Variants in FBRS observed in about 807,000 individuals in gnomAD.
FBRS encodes fibrosin, also known as probable fibrosin-1.
FBRS carries 15 observed loss-of-function variants against 86.1 expected under a neutral mutation model. The ratio of observed to expected loss-of-function variants is 0.17; its 90% CI spans 0.12 to 0.27. The LOEUF (loss-of-function observed/expected upper bound fraction) is 0.27, where lower values mean the gene tolerates loss of function less well. Among genes scored for constraint, FBRS ranks in the 10% least tolerant of loss-of-function variants. The pLI is 1.00. For missense variants in FBRS, 1,367 were observed against 1,301.6 expected (o/e 1.05, Z -0.77); for synonymous variants, 666 against 575.8 (o/e 1.16, Z -2.24).
chr16:30,667,192 G>A (rs2052533397), intron 13 of FBRS, 128 bp from the exon 14 acceptor site: 2 of 930,828 alleles, frequency 2.1e-6, no homozygotes, highest in South Asian at 1.6e-5. Context: ...TCCGAGAGAG[G>A]CAGAAGATAG....
chr16:30,665,169 TCAG>T lies in FBRS; in HGVS notation c.1608+93_1608+95del. 1 of 1,550,150 alleles carries T rather than the reference TCAG, an allele frequency of 6.5e-7. No homozygotes were observed. The highest frequency in any genetic ancestry group is 1.4e-5 in the African/African-American group (1 of 73,636). On this transcript the variant is annotated intron_variant, in intron 9 of 17. Transcript: ENST00000356166. This position sits in a 1 kb window ranked among gnomAD's most constrained non-coding sequence, Gnocchi z 4.1. The stretch of plus-strand genomic sequence containing the variant: ...GACCCTGACTGCTGGGGTCCAGTCT[TCAG>T]CACAAAAGCAAGAGCCTTGAGCCTG...
intron 1 of FBRS, 84 bp from the exon 2 acceptor site, chr16:30,660,179 G>T: frequency 7.1e-7 from 1 of 1,411,966 alleles, no homozygotes; most frequent in South Asian, 1.6e-5. Flanking sequence ...CGGCCCGAGG[G>T]GTACTTCGGC....
chr16:30,667,011 G>A (rs747622652), intron 13 of FBRS, 21 bp downstream of exon 13: 1 of 1,594,454 alleles, frequency 6.3e-7, no homozygotes, highest in South Asian at 1.1e-5. Flanking sequence ...CGGAGGGCTG[G>A]GGAGAGTGGG....
chr16:30,667,495 C>G (rs900314629), intron 14 of FBRS, 47 bp from the exon 15 acceptor site: 1 of 1,511,818 alleles, frequency 6.6e-7, no homozygotes, highest in East Asian at 2.5e-5. Flanking sequence ...TGAGGCCCAG[C>G]TTGTGCCCAC....
rs542890584 is a variant in FBRS at position 30,664,546 on chromosome 16, G to A, written c.1357+30G>A. ...GTTTGGGGTCCTGGCCGGGGGGTGG[G>A]GGGCCATCACCCCGGGCTCGGGCCC... is the stretch of plus-strand genomic sequence containing the variant. On this transcript the variant is annotated intron_variant, in intron 7 of 17. Transcript: ENST00000356166. The A allele has an allele frequency of 9.5e-5, 135 of 1,424,480 alleles. 1 individual carries two copies. Among genetic ancestry groups the A allele is most frequent in the African/African-American group, 2.2e-4 (15 of 69,370 alleles). The allele number at this position is 1,424,480 out of a possible 1,614,324, so 88.2% of individuals were successfully genotyped here.
Position 30,662,577 on chromosome 16 carries a change from C to T in FBRS, c.773C>T (p.Ala258Val). 1.3e-6 allele frequency: 2 copies of T among 1,542,226 alleles called. No individual in the cohort carries two copies. The highest frequency in any genetic ancestry group is 1.8e-6 in the Non-Finnish European group (2 of 1,141,122). The change falls in exon 6 of 18, where the codon GCC becomes GTC. Residue 258 changes from alanine (A) to valine (V), a missense_variant. Coordinates refer to ENST00000356166, the MANE Select transcript of FBRS (RefSeq NM_001105079.3). ...CCCACAGCCTCGGGCCCCCACGGCG[C>T]CTTCAATGGGAACTGTGAAGCAAAA... ...STSKASGPHGAFNGNCEAKLS... is the reference protein window; with the variant it reads ...STSKASGPHGVFNGNCEAKLS...
chr16:30,666,427 G>C, intron 11 of FBRS, 85 bp from the exon 12 acceptor site: 1 of 1,549,842 alleles, frequency 6.5e-7, no homozygotes. Flanking sequence ...GCATGTTGGG[G>C]GTGAGTGGAT....
At position 30,663,251 on chromosome 16, in the gene FBRS, C is replaced by T. The variant is rs144319982; in HGVS notation, c.1055+392C>T. The T allele has an allele frequency of 8.6e-3, 1,558 of 182,212 alleles. 16 individuals are homozygous for T. Among genetic ancestry groups the T allele is most frequent in the Non-Finnish European group, 0.011 (955 of 88,586 alleles). The allele number at this position is 182,212 out of a possible 1,614,324, so 11.3% of individuals were successfully genotyped here. On this transcript the variant is annotated intron_variant, in intron 6 of 17. Transcript: ENST00000356166. ...GTGATTTTTGACAAGTCACTTAACC[C>T]CTCTGAGCCTCGATTTCCTCTTTCT...
chr16:30,662,140 C>G, intron 4 of FBRS: 1 of 443,364 alleles, frequency 2.3e-6, no homozygotes. Flanking sequence ...AGCTAGTGAC[C>G]TCTGACGTTT....
intron 1 of FBRS, 33 bp from the exon 2 acceptor site, chr16:30,660,230 C>T (rs961984867): frequency 3.0e-6 from 4 of 1,338,866 alleles, no homozygotes; most frequent in Non-Finnish European, 3.9e-6. Context: ...TTGCCCTTTT[C>T]CATCTATCTC....
intron 15 of FBRS, 123 bp from the exon 16 acceptor site, chr16:30,668,437 C>T: frequency 1.2e-6 from 1 of 814,054 alleles, no homozygotes; most frequent in East Asian, 2.5e-5. Context: ...GTGCTCAGCA[C>T]ATGGCTGCTG....
chr16:30,661,384 C>T (rs910407301), intron 4 of FBRS, 51 bp downstream of exon 4: 2 of 1,550,614 alleles, frequency 1.3e-6, no homozygotes, highest in Non-Finnish European at 1.7e-6. Flanking sequence ...GTAAAAGGGA[C>T]TGCAGCATAA....
At chr16:30,666,563 G>A (rs2052524417) in intron 12 of FBRS, 22 bp downstream of exon 12, 1 of 1,614,004 alleles carries the variant, frequency 6.2e-7, no homozygotes. Flanking sequence ...GAGGACCTCA[G>A]GCTGCATGAG....
chr16:30,667,421 C>T lies in FBRS; in HGVS notation c.1977C>T (p.Ser659=). The stretch of plus-strand genomic sequence containing the variant: ...GGCAGGAGCTCTCCCACCCGGCCTC[C>T]CTCTTCACTGCGACTGGTGAGTCTG... ...PPGQELSHPA[S]LFTATGAVHA... The change falls in exon 14 of 18, where the codon TCC becomes TCT. Residue 659 remains serine, a synonymous_variant. Transcript: ENST00000356166. 3 of 1,546,640 alleles carry T rather than the reference C, an allele frequency of 1.9e-6. No individual in the cohort carries two copies. Among genetic ancestry groups the T allele is most frequent in the Non-Finnish European group, 2.6e-6 (3 of 1,143,722 alleles).
In FBRS at chr16:30,661,309, C is replaced by T. The variant is rs1242444893; in HGVS notation, c.681C>T (p.Asp227=). Residue 227 remains aspartate, a synonymous_variant, in exon 4 of 18, where the codon GAC becomes GAT. Coordinates refer to ENST00000356166, the MANE Select transcript of FBRS (RefSeq NM_001105079.3). The stretch of plus-strand genomic sequence containing the variant: ...CTGTCTTTCCTTCTCCCCAGTGTGA[C>T]GCGGAAAGTGATCTGGACGAGAGGG... ...RHSLEAGYIC[D]AESDLDERVS... is the part of the protein sequence containing the mutation. The T allele has an allele frequency of 6.4e-6, 10 of 1,550,612 alleles. No individual in the cohort carries two copies. The highest frequency in any genetic ancestry group is 1.7e-4 in the Middle Eastern group (1 of 5,994).
At chr16:30,667,199 A>G (rs2052533494) in intron 13 of FBRS, 121 bp from the exon 14 acceptor site, 1 of 945,706 alleles carries the variant, frequency 1.1e-6, no homozygotes, top group Non-Finnish European at 1.6e-6. Context: ...GAGGCAGAAG[A>G]TAGGCATCCA....
chr16:30,660,806 G>A (rs1470332444), intron 2 of FBRS, among the ~76,000 whole-genome samples: 1 of 152,198 alleles, frequency 6.6e-6, no homozygotes, highest in Non-Finnish European at 1.5e-5. Flanking sequence ...AGCTACAGAA[G>A]ACAAAGATGG....
chr16:30,667,765 C>T (rs2052540885), intron 15 of FBRS, 143 bp downstream of exon 15: 1 of 662,558 alleles, frequency 1.5e-6, no homozygotes, highest in African/African-American at 1.9e-5. Context: ...TCTACCCCCT[C>T]TGAGCCTTGA....
At chr16:30,662,239 C>G in intron 4 of FBRS, 181 bp from the exon 5 acceptor site, 5 of 911,442 alleles carry the variant, frequency 5.5e-6, no homozygotes, top group Non-Finnish European at 6.5e-6. Flanking sequence ...AGCTGCTCCA[C>G]TCTGCTTTTT....
Sources: allele counts gnomAD v4.1 joint callset (sites outside exome capture counted in the v4.1 genomes callset), GRCh38; gene constraint gnomAD v4.1.1; non-coding constraint Gnocchi (gnomAD v3.1); transcripts MANE v1.5; gene names NCBI Gene and HGNC (gene_info 2026-07-23, HGNC 2026-07-21).